Variants in DLG2 observed in about 807,000 individuals in gnomAD.
DLG2 encodes the protein disks large homolog 2.
In DLG2, 45 loss-of-function variants were observed where a neutral mutation model predicts 132.5. The ratio of observed to expected loss-of-function variants is 0.34; its 90% CI spans 0.27 to 0.44. DLG2 has a LOEUF of 0.44. Among genes scored for constraint, DLG2 ranks in the 20% least tolerant of loss-of-function variants. The pLI is 1.00. For synonymous variants in DLG2, 424 were observed against 419.6 expected (o/e 1.01, Z -0.13); for missense variants, 1,045 against 1,196.9 (o/e 0.87, Z 1.87).
intron 6 of DLG2, among the ~76,000 whole-genome samples, chr11:84,700,484 G>C (rs546351215): frequency 6.6e-6 from 1 of 151,758 alleles, no homozygotes; most frequent in East Asian, 2.0e-4. Context: ...AACTGATCAA[G>C]TATAGCTAAC....
intron 6 of DLG2, among the ~76,000 whole-genome samples, chr11:84,637,336 T>C (rs1489655412): frequency 6.6e-6 from 1 of 152,188 alleles, no homozygotes; most frequent in African/African-American, 2.4e-5. Context: ...TGTGTATCTC[T>C]ATCACAGCAT....
chr11:85,361,811 G>A (rs182867005), intron 3 of DLG2, among the ~76,000 whole-genome samples: 13 of 152,178 alleles, frequency 8.5e-5, no homozygotes, highest in Middle Eastern at 3.4e-3. Flanking sequence ...TTTTGAATTT[G>A]GGGATTGTTT....
At chr11:85,120,689 A>C (rs1479915827) in intron 5 of DLG2, among the ~76,000 whole-genome samples, 1 of 152,106 alleles carries the variant, frequency 6.6e-6, no homozygotes, top group African/African-American at 2.4e-5. Context: ...AGCTAAAAAA[A>C]TTAATACTTT....
intron 21 of DLG2, among the ~76,000 whole-genome samples, chr11:83,489,127 C>CTGAT (rs775824631): frequency 1.4e-4 from 21 of 151,950 alleles, no homozygotes; most frequent in Non-Finnish European, 2.5e-4. Flanking sequence ...TTCACGCCTT[C>CTGAT]TGATAAAAGA....
chr11:85,130,530 G>A (rs570331072), intron 5 of DLG2, among the ~76,000 whole-genome samples: 13 of 152,208 alleles, frequency 8.5e-5, no homozygotes, highest in East Asian at 5.8e-4. Context: ...CAAAGGTAGC[G>A]GTCAGCTGTG....
intron 4 of DLG2, among the ~76,000 whole-genome samples, chr11:85,244,400 G>T (rs2076037310): frequency 6.6e-6 from 1 of 151,964 alleles, no homozygotes; most frequent in Admixed American, 6.6e-5. Flanking sequence ...CAGTCAAATA[G>T]TCATCCACCA....
At chr11:84,234,149 G>C (rs973750211) in intron 8 of DLG2, among the ~76,000 whole-genome samples, 4 of 152,146 alleles carry the variant, frequency 2.6e-5, no homozygotes, top group African/African-American at 9.7e-5. Flanking sequence ...CACCCCGAGG[G>C]AAGAATCATG....
At chr11:84,408,958 G>T (rs572584191) in intron 7 of DLG2, among the ~76,000 whole-genome samples, 1 of 152,044 alleles carries the variant, frequency 6.6e-6, no homozygotes, top group Non-Finnish European at 1.5e-5. Flanking sequence ...CTGACAGAAC[G>T]ATCCTGCTGC....
At chr11:84,317,921 C>A (rs559055858) in intron 7 of DLG2, among the ~76,000 whole-genome samples, 1 of 152,140 alleles carries the variant, frequency 6.6e-6, no homozygotes, top group African/African-American at 2.4e-5. Context: ...ATGCTATACA[C>A]GATTATTAAT....
At chr11:84,750,520 TA>T (rs952868287) in intron 6 of DLG2, among the ~76,000 whole-genome samples, 5 of 152,108 alleles carry the variant, frequency 3.3e-5, no homozygotes, top group African/African-American at 1.2e-4. Flanking sequence ...AATTTATTTT[TA>T]AAAAAATAAA....
At chr11:84,897,235 T>C (rs1566307177) in intron 6 of DLG2, among the ~76,000 whole-genome samples, 1 of 151,744 alleles carries the variant, frequency 6.6e-6, no homozygotes, top group Non-Finnish European at 1.5e-5. Context: ...TTGTCTTCTC[T>C]TTTGTCAATT....
intron 8 of DLG2, chr11:84,167,113 A>G: frequency 2.2e-6 from 1 of 449,286 alleles, no homozygotes; most frequent in Non-Finnish European, 4.5e-6. Flanking sequence ...TTGGAGAGTC[A>G]GTCAAATAGA....
intron 6 of DLG2, among the ~76,000 whole-genome samples, chr11:84,799,669 A>ACT (rs2075125613): frequency 6.6e-6 from 1 of 151,170 alleles, no homozygotes; most frequent in Non-Finnish European, 1.5e-5. Context: ...TAATTTTGAG[A>ACT]CTCTCTTCTT....
Position 83,850,355 on chromosome 11 carries a change from G to A in DLG2, c.1566-16585C>T, listed in dbSNP as rs576060224. Among the ~76,000 whole-genome samples the A allele has an allele frequency of 5.9e-5, 9 of 152,130 alleles. No homozygotes were observed. The South Asian group carries it at 8.3e-4, about 14-fold the overall frequency. The stretch of plus-strand genomic sequence containing the variant: ...TTTTTAGTAGAGATGGGGTTTCACC[G>A]TGTTAGCCAGGATGGTCTTGATTTC... On this transcript the variant is annotated intron_variant, in intron 16 of 27. Transcript: ENST00000376104.
intron 6 of DLG2, among the ~76,000 whole-genome samples, chr11:84,693,065 G>A (rs2058224111): frequency 6.6e-6 from 1 of 151,588 alleles, no homozygotes; most frequent in South Asian, 2.1e-4. Context: ...TGTTTTCCTG[G>A]GAAATGTTCA....
At chr11:85,334,295 G>A (rs2081978117) in intron 3 of DLG2, among the ~76,000 whole-genome samples, 2 of 151,654 alleles carry the variant, frequency 1.3e-5, no homozygotes, top group Non-Finnish European at 2.9e-5. Context: ...TGTCATTTCT[G>A]GTTGTGTTTA....
At chr11:85,008,263 A>G (rs1465198674) in intron 6 of DLG2, among the ~76,000 whole-genome samples, 1 of 152,158 alleles carries the variant, frequency 6.6e-6, no homozygotes, top group East Asian at 1.9e-4. Context: ...TTCCACCACT[A>G]GAAGCATGCT....
At chr11:84,555,698 T>C (rs1327450264) in intron 6 of DLG2, among the ~76,000 whole-genome samples, 1 of 152,126 alleles carries the variant, frequency 6.6e-6, no homozygotes, top group African/African-American at 2.4e-5. Flanking sequence ...GGATATAAAG[T>C]TTCAGATTTA....
At chr11:84,130,615 A>G (rs2094384199) in intron 9 of DLG2, among the ~76,000 whole-genome samples, 2 of 151,020 alleles carry the variant, frequency 1.3e-5, no homozygotes, top group East Asian at 1.9e-4. Context: ...AAATCTGTAT[A>G]TGATCGTTCT....
Sources: gnomAD v4.1 joint callset for allele counts (sites outside exome capture counted in the v4.1 genomes callset) on GRCh38, gnomAD v4.1.1 for gene constraint, MANE v1.5 for transcripts, NCBI Gene and HGNC (gene_info 2026-07-23, HGNC 2026-07-21) for gene names.